Variants in B3GALT1 observed in about 807,000 individuals in gnomAD.
B3GALT1 encodes the protein beta-1,3-galactosyltransferase 1.
B3GALT1 carries 10 observed loss-of-function variants against 23.2 expected under a neutral mutation model. The ratio of observed to expected loss-of-function variants is 0.43; its 90% CI spans 0.27 to 0.73. The LOEUF (loss-of-function observed/expected upper bound fraction) is 0.73, where lower values mean the gene tolerates loss of function less well. Ranked by LOEUF, B3GALT1 falls within the 30% of genes least tolerant of loss-of-function variation. The pLI is 0.21. For synonymous variants in B3GALT1, 156 were observed against 141.5 expected (o/e 1.10, Z -0.73); for missense variants, 299 against 405.4 (o/e 0.74, Z 2.25).
At chr2:167,335,137 CCT>C in intron 1 of B3GALT1, among the ~76,000 whole-genome samples, 1 of 151,856 alleles carries the variant, frequency 6.6e-6, no homozygotes, top group Non-Finnish European at 1.5e-5. Flanking sequence ...ACAAAATATC[CCT>C]CTTTCTGTCT....
intron 4 of B3GALT1, among the ~76,000 whole-genome samples, chr2:167,861,370 G>A (rs1395815127): frequency 6.6e-6 from 1 of 152,184 alleles, no homozygotes; most frequent in Non-Finnish European, 1.5e-5. Context: ...CTTTGTTACT[G>A]TAGCTATAGC....
At chr2:167,711,431 C>G (rs1465888717) in intron 3 of B3GALT1, among the ~76,000 whole-genome samples, 3 of 152,166 alleles carry the variant, frequency 2.0e-5, no homozygotes, top group Non-Finnish European at 4.4e-5. Context: ...GAATGAATGG[C>G]ACTGCAGGTA....
chr2:167,683,770 A>G (rs1686573787), intron 3 of B3GALT1, among the ~76,000 whole-genome samples: 1 of 151,964 alleles, frequency 6.6e-6, no homozygotes, highest in African/African-American at 2.4e-5. Flanking sequence ...CACACACATC[A>G]AAGACAATCC....
At chr2:167,552,516 A>G (rs537907773) in intron 2 of B3GALT1, among the ~76,000 whole-genome samples, 1 of 152,342 alleles carries the variant, frequency 6.6e-6, no homozygotes, top group South Asian at 2.1e-4. Context: ...AACATTTGAT[A>G]TGTTTTTGTG....
At chr2:167,307,721 G>C (rs1346536012) in intron 1 of B3GALT1, among the ~76,000 whole-genome samples, 1 of 151,846 alleles carries the variant, frequency 6.6e-6, no homozygotes, top group Admixed American at 6.6e-5. Flanking sequence ...TTTTTCCTCT[G>C]CTGTACTGTT....
chr2:167,864,090 G>C (rs563465574), intron 4 of B3GALT1, among the ~76,000 whole-genome samples: 1 of 151,816 alleles, frequency 6.6e-6, no homozygotes, highest in Non-Finnish European at 1.5e-5. Flanking sequence ...AACAGTTTCA[G>C]CTTCCCCACC....
intron 1 of B3GALT1, among the ~76,000 whole-genome samples, chr2:167,415,772 A>G (rs1039234213): frequency 1.3e-5 from 2 of 152,052 alleles, no homozygotes; most frequent in Non-Finnish European, 2.9e-5. Flanking sequence ...ACTGGAGAAA[A>G]GTCCATCCTT....
At chr2:167,841,519 A>T (rs1689648957) in intron 4 of B3GALT1, among the ~76,000 whole-genome samples, 1 of 152,252 alleles carries the variant, frequency 6.6e-6, no homozygotes, top group Non-Finnish European at 1.5e-5. Flanking sequence ...ACTCTTTCAC[A>T]TTCTCCAGTT....
At chr2:167,566,825 G>A (rs141665119) in intron 2 of B3GALT1, among the ~76,000 whole-genome samples, 2 of 152,232 alleles carry the variant, frequency 1.3e-5, no homozygotes, top group African/African-American at 4.8e-5. Flanking sequence ...TGTGCCCTCT[G>A]GGGGTAGGAG....
chr2:167,614,850 A>C (rs1294657973), intron 2 of B3GALT1, among the ~76,000 whole-genome samples: 1 of 152,004 alleles, frequency 6.6e-6, no homozygotes, highest in Non-Finnish European at 1.5e-5. Flanking sequence ...CCAAAAATAG[A>C]TCAATAGATA....
chr2:167,609,744 C>T (rs1412293755), intron 2 of B3GALT1, among the ~76,000 whole-genome samples: 4 of 152,096 alleles, frequency 2.6e-5, no homozygotes, highest in Non-Finnish European at 5.9e-5. Context: ...ATGGAATGCC[C>T]AAAGGCGTAT....
intron 2 of B3GALT1, among the ~76,000 whole-genome samples, chr2:167,497,246 G>T (rs1699794578): frequency 6.6e-6 from 1 of 151,458 alleles, no homozygotes. Flanking sequence ...AGGGGGGATG[G>T]GCAACGGTTA....
intron 4 of B3GALT1, among the ~76,000 whole-genome samples, chr2:167,864,016 GTGTGTGTGTGTA>G (rs1378667119): frequency 2.0e-4 from 30 of 151,816 alleles, no homozygotes; most frequent in Non-Finnish European, 3.5e-4. Flanking sequence ...GTGTGTGTGT[GTGTGTGTGTGTA>G]TGTTTCAGGT....
intron 1 of B3GALT1, among the ~76,000 whole-genome samples, chr2:167,334,359 C>T (rs1393349434): frequency 6.6e-6 from 1 of 152,004 alleles, no homozygotes; most frequent in Non-Finnish European, 1.5e-5. Context: ...TTAAATAGTC[C>T]CTGCAAGGTG....
chr2:167,538,010 T>C (rs2105371948), intron 2 of B3GALT1, among the ~76,000 whole-genome samples: 1 of 151,854 alleles, frequency 6.6e-6, no homozygotes, highest in Non-Finnish European at 1.5e-5. Flanking sequence ...TTTACTAGAG[T>C]TGGGGTTACA....
At chr2:167,713,709 A>T (rs889200695) in intron 3 of B3GALT1, 80 of 1,517,872 alleles carry the variant, frequency 5.3e-5, no homozygotes, top group Non-Finnish European at 6.2e-5. Context: ...TTGAAGGTGG[A>T]ATCAACCCTC....
intron 3 of B3GALT1, among the ~76,000 whole-genome samples, chr2:167,734,772 T>C (rs908399657): frequency 5.9e-5 from 9 of 152,224 alleles, no homozygotes; most frequent in African/African-American, 2.2e-4. Flanking sequence ...AAGGGGAGAC[T>C]GAGAGACATG....
chr2:167,435,195 A>G (rs1222858938), intron 1 of B3GALT1, among the ~76,000 whole-genome samples: 1 of 151,992 alleles, frequency 6.6e-6, no homozygotes, highest in Admixed American at 6.6e-5. Context: ...AGGCTTTACA[A>G]CAACCTTTGC....
intron 4 of B3GALT1, among the ~76,000 whole-genome samples, chr2:167,867,207 T>A (rs941762395): frequency 6.6e-6 from 1 of 152,248 alleles, no homozygotes; most frequent in African/African-American, 2.4e-5. Context: ...ATTACAGGCG[T>A]GAGCCACCGC....
Sources: gnomAD v4.1 joint callset for allele counts (sites outside exome capture counted in the v4.1 genomes callset) on GRCh38, gnomAD v4.1.1 for gene constraint, MANE v1.5 for transcripts, NCBI Gene and HGNC (gene_info 2026-07-23, HGNC 2026-07-21) for gene names.